SECISBP2: variants seen among roughly 807,000 people sequenced by gnomAD.
SECISBP2 encodes selenocysteine insertion sequence-binding protein 2.
Under a neutral mutation model 98.2 loss-of-function variants are expected in SECISBP2, and 96 were observed. That is an observed-to-expected ratio of 0.98 (90% CI 0.83 to 1.16). The LOEUF (loss-of-function observed/expected upper bound fraction) is 1.16, where lower values mean the gene tolerates loss of function less well. Ranked by LOEUF, SECISBP2 falls within the 50% of genes most tolerant of loss-of-function variation. The pLI, the probability that SECISBP2 is intolerant of heterozygous loss-of-function variation, is 0.00. For synonymous variants in SECISBP2, 407 were observed against 370.2 expected, an observed-to-expected ratio of 1.10 and a Z score of -1.14; for missense variants, 1,046 against 1,022.9, an observed-to-expected ratio of 1.02 and a Z score of -0.31.
chr9:89,358,142 T>A lies in SECISBP2; in HGVS notation c.2412T>A (p.Pro804=). The part of the protein sequence containing the change: ...PSLPTQGPSC[P]AEDGPPALKE... ...TACCCACACAGGGCCCCAGCTGCCC[T>A]GCAGAAGATGGCCCCCCAGCCCTGA... is the stretch of plus-strand genomic sequence containing the variant. Residue 804 remains proline, a synonymous_variant, in exon 16 of 17, where the codon CCT becomes CCA. Transcript: ENST00000375807. The A allele has an allele frequency of 6.2e-7, 1 of 1,613,762 alleles. No homozygotes were observed. The highest frequency in any genetic ancestry group is 1.1e-5 in the South Asian group (1 of 90,998).
Position 89,319,897 on chromosome 9 carries a change from AGAT to A in SECISBP2, c.182+106_182+108del, listed in dbSNP as rs554184185. ...AGCAGTTACTGCACTAAAGTTCTGC[AGAT>A]GATGAGAGAATGCTCTTCAACCAAG... On this transcript the variant is annotated intron_variant, in intron 2 of 16. Coordinates refer to ENST00000375807, the MANE Select transcript of SECISBP2 (RefSeq NM_024077.5). The A allele has an allele frequency of 3.9e-5, 47 of 1,206,322 alleles. 1 individual carries two copies. The African/African-American group carries it at 6.6e-4, about 17-fold the overall frequency. The allele number at this position is 1,206,322 out of a possible 1,614,324, so 74.7% of individuals were successfully genotyped here.
Position 89,318,548 on chromosome 9 carries a change from G to A in SECISBP2, c.-29G>A, listed in dbSNP as rs894440592. ...AGCCGACGGCCCGCTGCTGGCCTCC[G>A]TGACGCGGCCTCCTCCGCGCCTCGC... On this transcript the variant is annotated 5_prime_UTR_variant, in exon 1 of 17. The change creates a new upstream start codon in the 5' untranslated region. Transcript: ENST00000375807. The A allele has an allele frequency of 2.0e-6, 3 of 1,510,590 alleles. No individual in the cohort carries two copies. Among genetic ancestry groups the A allele is most frequent in the Non-Finnish European group, 2.6e-6 (3 of 1,135,124 alleles). The allele number at this position is 1,510,590 out of a possible 1,614,324, so 93.6% of individuals were successfully genotyped here.
intron 16 of SECISBP2, among the ~76,000 whole-genome samples, 182 bp from the exon 17 acceptor site, chr9:89,358,539 A>G (rs1368388565): frequency 2.0e-5 from 3 of 152,214 alleles, no homozygotes; most frequent in South Asian, 2.1e-4. Flanking sequence ...CTTCTCCTCA[A>G]TAAGGGGCAG....
chr9:89,365,436 TCGAGGCCCAC>T, the SECISBP2 span: 1 of 152,420 alleles, frequency 6.6e-6, no homozygotes, highest in Admixed American at 6.5e-5. Flanking sequence ...CTGCCCTTCC[TCGAGGCCCAC>T]CAAGGCCCCC....
At chr9:89,319,947 A>G (rs375634499) in intron 2 of SECISBP2, 150 bp downstream of exon 2, 2 of 821,922 alleles carry the variant, frequency 2.4e-6, no homozygotes, top group Non-Finnish European at 2.0e-6. Flanking sequence ...CCAGTAGCAC[A>G]ACTTAACTGT....
chr9:89,318,621 C>A lies in SECISBP2; in HGVS notation c.36+9C>A. The stretch of plus-strand genomic sequence containing the variant: ...GGGAGCCCGAAAGCGAGGTAAGGGC[C>A]GACGGGGGCTCTCTCGGCAGCCTCA... On this transcript the variant is annotated intron_variant, in intron 1 of 16. Transcript: ENST00000375807. 1 of 1,430,990 alleles carries A rather than the reference C, an allele frequency of 7.0e-7. No individual in the cohort carries two copies. The highest frequency in any genetic ancestry group is 9.1e-7 in the Non-Finnish European group (1 of 1,101,128). The allele number at this position is 1,430,990 out of a possible 1,614,324, so 88.6% of individuals were successfully genotyped here. A position where few individuals can be genotyped will look rare whatever the true frequency, so the allele number is the denominator to read the frequency against.
At chr9:89,357,959 T>G (rs200585600) in intron 15 of SECISBP2, 40 bp from the exon 16 acceptor site, 76 of 1,608,344 alleles carry the variant, frequency 4.7e-5, no homozygotes, top group Middle Eastern at 4.4e-4. Flanking sequence ...GTGTCCTCTG[T>G]AGCTGGGATG....
At chr9:89,360,104 A>G (rs1832652656), downstream of SECISBP2, among the ~76,000 whole-genome samples, 1 of 152,158 alleles carries the variant, frequency 6.6e-6, no homozygotes, top group African/African-American at 2.4e-5. Context: ...CTGCCCTGTC[A>G]TCTGTGGAGC....
At chr9:89,337,077 C>G (rs111959071) in intron 7 of SECISBP2, among the ~76,000 whole-genome samples, 4,398 of 152,244 alleles carry the variant, frequency 0.029, 88 homozygotes, top group Middle Eastern at 0.075. Flanking sequence ...CCTGGCCCCC[C>G]ACTGTCTAAT....
At position 89,326,952 on chromosome 9, in the gene SECISBP2, G is replaced by C. The variant is rs532023852; in HGVS notation, c.574+914G>C. Reference sequence around the variant, plus strand: ...CCGAGACGGGCGGATCACGAGGTCAGGAGATCAAGATCATCCTGGCTAACA... The same window carrying C: ...CCGAGACGGGCGGATCACGAGGTCACGAGATCAAGATCATCCTGGCTAACA... On this transcript the variant is annotated intron_variant, in intron 4 of 16. Transcript: ENST00000375807. Among the ~76,000 whole-genome samples, 31 of 152,282 alleles carry C rather than the reference G, an allele frequency of 2.0e-4. No individual in the cohort carries two copies. In the South Asian group the frequency reaches 2.5e-3, roughly 12 times the overall value.
At chr9:89,353,307 C>T (rs1041178578) in intron 14 of SECISBP2, among the ~76,000 whole-genome samples, 8 of 152,128 alleles carry the variant, frequency 5.3e-5, no homozygotes, top group Non-Finnish European at 1.5e-5. Context: ...TGGAAGTGCC[C>T]CTGGGTGTCT....
At chr9:89,363,414 G>A (rs200304632), downstream of SECISBP2, 53 of 1,609,458 alleles carry the variant, frequency 3.3e-5, 1 homozygote, top group Admixed American at 4.0e-4. Context: ...TTCTTTGCCC[G>A]GCTGCGGCCA....
chr9:89,319,203 A>C (rs769454897), intron 1 of SECISBP2: 24 of 332,918 alleles, frequency 7.2e-5, no homozygotes, highest in Non-Finnish European at 1.0e-4. Context: ...GTGGTTCATG[A>C]GTAAAATGCA....
At chr9:89,320,212 C>T (rs1825491279) in intron 2 of SECISBP2, among the ~76,000 whole-genome samples, 1 of 151,954 alleles carries the variant, frequency 6.6e-6, no homozygotes, top group East Asian at 1.9e-4. Flanking sequence ...AAAAATTAAT[C>T]AGGTATGGTG....
chr9:89,354,952 C>G, intron 14 of SECISBP2: 1 of 985,432 alleles, frequency 1.0e-6, no homozygotes. Flanking sequence ...TCTGCCCTAT[C>G]TCCCCTTTTC....
chr9:89,331,703 G>A (rs1796183561), intron 5 of SECISBP2, among the ~76,000 whole-genome samples: 1 of 152,214 alleles, frequency 6.6e-6, no homozygotes, highest in African/African-American at 2.4e-5. Flanking sequence ...TTGATGGACT[G>A]TTGAACTTTG....
chr9:89,332,344 T>C (rs1365406930), intron 5 of SECISBP2, among the ~76,000 whole-genome samples: 1 of 152,212 alleles, frequency 6.6e-6, no homozygotes, highest in African/African-American at 2.4e-5. Context: ...GCGCATCGTT[T>C]GCATTAGGGT....
In SECISBP2 at chr9:89,333,927, G is replaced by T. The variant is rs540336371; in HGVS notation, c.881-595G>T. 5 of 623,490 alleles carry T rather than the reference G, an allele frequency of 8.0e-6. No homozygotes were observed. The South Asian group carries it at 3.3e-4, about 41-fold the overall frequency. The allele number at this position is 623,490 out of a possible 1,614,324, so 38.6% of individuals were successfully genotyped here. A position where few individuals can be genotyped will look rare whatever the true frequency, so the allele number is the denominator to read the frequency against. Reference sequence around the variant, plus strand: ...TGAGGATGTGTAGTTCTCTAGTGAGGGGAACAGTCTGTTTTACCCTTGGGG... The same window carrying T: ...TGAGGATGTGTAGTTCTCTAGTGAGTGGAACAGTCTGTTTTACCCTTGGGG... On this transcript the variant is annotated intron_variant, in intron 6 of 16. Coordinates refer to ENST00000375807, the MANE Select transcript of SECISBP2 (RefSeq NM_024077.5).
chr9:89,333,068 G>T, intron 6 of SECISBP2, 82 bp downstream of exon 6: 2 of 1,201,886 alleles, frequency 1.7e-6, no homozygotes, highest in Admixed American at 3.6e-5. Flanking sequence ...CAGTTGAAAT[G>T]ATTTTTGTTG....
Sources: allele counts gnomAD v4.1 joint callset (sites outside exome capture counted in the v4.1 genomes callset), GRCh38; gene constraint gnomAD v4.1.1; transcripts MANE v1.5; gene names NCBI Gene and HGNC (gene_info 2026-07-23, HGNC 2026-07-21).